Variants in KCNN2 observed in about 807,000 individuals in gnomAD.
KCNN2 encodes potassium calcium-activated channel subfamily N member 2.
In KCNN2, 24 loss-of-function variants were observed where a neutral mutation model predicts 55.5. The observed-to-expected ratio is 0.43, with a 90% confidence interval of 0.31 to 0.61. The LOEUF is 0.61. Among genes scored for constraint, KCNN2 ranks in the 20% least tolerant of loss-of-function variants. The pLI, the probability that KCNN2 is intolerant of heterozygous loss-of-function variation, is 0.08. For missense variants in KCNN2, 754 were observed against 853.6 expected (o/e 0.88, Z 1.45); for synonymous variants, 431 against 336.1 (o/e 1.28, Z -3.09).
chr5:114,214,033 A>G (rs1753948124), intron 1 of KCNN2, among the ~76,000 whole-genome samples: 1 of 152,048 alleles, frequency 6.6e-6, no homozygotes, highest in Non-Finnish European at 1.5e-5. Context: ...ATCCTAGGAG[A>G]CAGGTTCTAG....
chr5:114,267,319 C>G (rs990637037), intron 2 of KCNN2, among the ~76,000 whole-genome samples: 3 of 152,084 alleles, frequency 2.0e-5, no homozygotes, highest in African/African-American at 7.2e-5. Context: ...ATGAAGCTTT[C>G]CTAGGCAGGC....
intron 2 of KCNN2, among the ~76,000 whole-genome samples, chr5:114,334,818 C>T (rs1008373888): frequency 2.6e-5 from 4 of 152,196 alleles, no homozygotes; most frequent in South Asian, 4.1e-4. Flanking sequence ...CAAAATTGAC[C>T]CATGTTAATT....
intron 4 of KCNN2, among the ~76,000 whole-genome samples, chr5:114,463,392 TA>T (rs1350862803): frequency 1.3e-5 from 2 of 152,320 alleles, no homozygotes; most frequent in East Asian, 3.9e-4. Context: ...GTTGAAGAGG[TA>T]GAGCTGTTTG....
intron 2 of KCNN2, among the ~76,000 whole-genome samples, chr5:114,252,545 G>A (rs572068726): frequency 3.6e-4 from 55 of 152,186 alleles, no homozygotes; most frequent in African/African-American, 1.3e-3. Context: ...TGCAGTGGAG[G>A]GGAAAGAGCA....
Position 114,362,909 on chromosome 5 carries a change from G to T in KCNN2, c.770G>T (p.Gly257Val). Residue 257 changes from glycine (G) to valine (V), a missense_variant, in exon 1 of 8, where the codon GGC (glycine) becomes GTC (valine). This residue lies in a region of KCNN2 where 381 missense variants were observed against 259.1 expected (regional missense o/e 1.47). Transcript: ENST00000673685. ...CCCGCGTCTGTCGGAGGAGGTGGCG[G>T]CGCGTCCTCCCCGTCTGCAGCCGCT... is the stretch of plus-strand genomic sequence containing the variant. ...QPPASVGGGG[G>V]ASSPSAAAAA... is the part of the protein sequence containing the mutation. The T allele has an allele frequency of 6.3e-7, 1 of 1,590,056 alleles. No homozygotes were observed.
At chr5:114,458,707 T>C (rs1453771727) in intron 3 of KCNN2, among the ~76,000 whole-genome samples, 1 of 152,192 alleles carries the variant, frequency 6.6e-6, no homozygotes, top group Non-Finnish European at 1.5e-5. Context: ...GTTTATCAAA[T>C]GGTGCTAGAG....
intron 2 of KCNN2, among the ~76,000 whole-genome samples, chr5:114,335,704 A>G (rs1756910062): frequency 1.3e-5 from 2 of 152,212 alleles, no homozygotes; most frequent in Non-Finnish European, 2.9e-5. Context: ...ATGTGTAAAT[A>G]AGCAGAACAA....
intron 1 of KCNN2, among the ~76,000 whole-genome samples, chr5:114,188,719 C>A: frequency 8.0e-6 from 1 of 125,560 alleles, no homozygotes; most frequent in Admixed American, 8.3e-5. Context: ...CATAATAGTG[C>A]CAAAACTATA....
chr5:114,113,409 A>T (rs34016127), intron 1 of KCNN2, among the ~76,000 whole-genome samples: 2 of 151,912 alleles, frequency 1.3e-5, no homozygotes, highest in Non-Finnish European at 1.5e-5. Flanking sequence ...GAGAAGAAAA[A>T]GTCAAAGGTA....
chr5:114,213,259 G>A (rs1470216790), intron 1 of KCNN2, among the ~76,000 whole-genome samples: 1 of 151,966 alleles, frequency 6.6e-6, no homozygotes, highest in East Asian at 1.9e-4. Flanking sequence ...TTGCCCATGA[G>A]TTTTTGTTTA....
In KCNN2 at chr5:114,232,925, G is replaced by GTTT. The variant is rs10658266; in HGVS notation, c.-185+11371_-185+11373dup. Among the ~76,000 whole-genome samples the GTTT allele has an allele frequency of 1.2e-4, 9 of 76,276 alleles. 2 individuals carry two copies. The highest frequency in any genetic ancestry group is 2.2e-4 in the Non-Finnish European group (9 of 40,824). 50.0% of individuals were successfully genotyped at this position (76,276 alleles called of 152,430 possible). A position where few individuals can be genotyped will look rare whatever the true frequency, so the allele number is the denominator to read the frequency against. On this transcript the variant is annotated intron_variant, in intron 2 of 10. Transcript: ENST00000512097. ...GAGGTAATTTTTTATATTGTTTCTT[G>GTTT]TTTTTTTTTTTTTGAGACGGAGTCT...
intron 1 of KCNN2, among the ~76,000 whole-genome samples, chr5:114,165,731 C>G (rs1195154864): frequency 2.0e-5 from 3 of 152,042 alleles, no homozygotes; most frequent in Non-Finnish European, 4.4e-5. Context: ...TTTTCTCTAG[C>G]TTACTTTAGT....
intron 1 of KCNN2, among the ~76,000 whole-genome samples, chr5:114,137,286 C>G (rs1215625261): frequency 3.9e-5 from 6 of 152,174 alleles, no homozygotes; most frequent in African/African-American, 1.4e-4. Flanking sequence ...TCAACCCATT[C>G]CCATCCTTAA....
intron 3 of KCNN2, among the ~76,000 whole-genome samples, chr5:114,423,856 G>T (rs1159411205): frequency 1.3e-5 from 2 of 152,068 alleles, no homozygotes; most frequent in Admixed American, 1.3e-4. Flanking sequence ...ATTTCAAAAG[G>T]CCAAAAAGTG....
At chr5:114,190,785 A>G (rs1753433511) in intron 1 of KCNN2, among the ~76,000 whole-genome samples, 1 of 152,190 alleles carries the variant, frequency 6.6e-6, no homozygotes, top group South Asian at 2.1e-4. Flanking sequence ...AATTGAAATA[A>G]GAGAAAAACA....
At chr5:114,302,449 T>C (rs1318185467) in intron 2 of KCNN2, among the ~76,000 whole-genome samples, 26 of 152,020 alleles carry the variant, frequency 1.7e-4, no homozygotes, top group Admixed American at 1.7e-3. Context: ...AAATTCTCCA[T>C]CTAGTAGGAG....
At chr5:114,292,742 G>T (rs370742495) in intron 2 of KCNN2, among the ~76,000 whole-genome samples, 2 of 152,320 alleles carry the variant, frequency 1.3e-5, no homozygotes, top group East Asian at 3.9e-4. Context: ...GTCATTGATA[G>T]CTTGATGGGG....
intron 2 of KCNN2, among the ~76,000 whole-genome samples, chr5:114,224,515 A>C (rs1754203771): frequency 6.6e-6 from 1 of 152,236 alleles, no homozygotes; most frequent in African/African-American, 2.4e-5. Flanking sequence ...AATTCATGAC[A>C]GGAATAATTA....
chr5:114,455,015 CTT>C (rs1760858228), intron 3 of KCNN2, among the ~76,000 whole-genome samples: 1 of 152,042 alleles, frequency 6.6e-6, no homozygotes, highest in South Asian at 2.1e-4. Context: ...TTCTGGCTCT[CTT>C]GGGATTTTTT....
Sources: allele counts gnomAD v4.1 joint callset (sites outside exome capture counted in the v4.1 genomes callset), GRCh38; gene constraint gnomAD v4.1.1; regional missense constraint gnomAD v4.1.1; transcripts MANE v1.5; gene names NCBI Gene and HGNC (gene_info 2026-07-23, HGNC 2026-07-21).